Variants in RGL1 observed in about 807,000 individuals in gnomAD.
The protein encoded by RGL1 is ral guanine nucleotide dissociation stimulator-like 1.
Under a neutral mutation model 95.2 loss-of-function variants are expected in RGL1, and 24 were observed. The ratio of observed to expected loss-of-function variants is 0.25; its 90% CI spans 0.18 to 0.35. The LOEUF is 0.35. RGL1 is among the 10% of genes least tolerant of loss of function. The pLI, the probability that RGL1 is intolerant of heterozygous loss-of-function variation, is 1.00. For synonymous variants in RGL1, 329 were observed against 344.9 expected (o/e 0.95, Z 0.51); for missense variants, 715 against 936.3 (o/e 0.76, Z 3.08).
intron 12 of RGL1, among the ~76,000 whole-genome samples, chr1:183,903,964 G>C (rs1161313547): frequency 1.3e-5 from 2 of 152,210 alleles, no homozygotes; most frequent in African/African-American, 2.4e-5. Context: ...GAGACTTGGA[G>C]AATCTACCAG....
chr1:183,714,690 G>T (rs1337102793), intron 1 of RGL1, among the ~76,000 whole-genome samples: 2 of 152,216 alleles, frequency 1.3e-5, no homozygotes, highest in African/African-American at 4.8e-5. Context: ...TACTGTCACA[G>T]CATGCCACAG....
At chr1:183,904,747 T>C (rs911304844) in intron 12 of RGL1, 103 bp from the exon 13 acceptor site, 1 of 1,250,864 alleles carries the variant, frequency 8.0e-7, no homozygotes, top group African/African-American at 1.5e-5. Flanking sequence ...TTTCTTCATC[T>C]TTTATCCTAA....
chr1:183,678,716 A>T (rs755875865), intron 1 of RGL1, among the ~76,000 whole-genome samples: 1 of 151,696 alleles, frequency 6.6e-6, no homozygotes, highest in Non-Finnish European at 1.5e-5. Flanking sequence ...TTCTTTTTTT[A>T]AAAAAGTTGT....
At chr1:183,891,916 C>T (rs937458615) in intron 8 of RGL1, among the ~76,000 whole-genome samples, 161 bp from the exon 9 acceptor site, 1 of 151,758 alleles carries the variant, frequency 6.6e-6, no homozygotes, top group Non-Finnish European at 1.5e-5. Context: ...AGCCATCCCG[C>T]ATAAAAAAAA....
chr1:183,910,057 G>A (rs1281778889), intron 14 of RGL1, among the ~76,000 whole-genome samples: 1 of 152,024 alleles, frequency 6.6e-6, no homozygotes, highest in Non-Finnish European at 1.5e-5. Flanking sequence ...TCTGTTTTAT[G>A]TTCCCACTCC....
chr1:183,669,242 C>G (rs1290741391), intron 1 of RGL1, among the ~76,000 whole-genome samples: 1 of 152,030 alleles, frequency 6.6e-6, no homozygotes, highest in Non-Finnish European at 1.5e-5. Flanking sequence ...TGTTATGTCC[C>G]CAAGCTTGGA....
At chr1:183,813,975 T>C (rs1460213182) in intron 2 of RGL1, among the ~76,000 whole-genome samples, 2 of 152,236 alleles carry the variant, frequency 1.3e-5, no homozygotes, top group East Asian at 1.9e-4. Flanking sequence ...ATGTCACTTA[T>C]GGCCTCTTCT....
At chr1:183,761,834 C>T (rs1374811715) in intron 2 of RGL1, among the ~76,000 whole-genome samples, 1 of 152,220 alleles carries the variant, frequency 6.6e-6, no homozygotes, top group Non-Finnish European at 1.5e-5. Context: ...ATAACTTTCT[C>T]TTGCTGTAGC....
At chr1:183,662,109 T>G (rs371078907) in intron 1 of RGL1, among the ~76,000 whole-genome samples, 8,245 of 139,294 alleles carry the variant, frequency 0.059, 537 homozygotes, top group African/African-American at 0.16. Context: ...ATATCATACT[T>G]AATGGGCAAA....
chr1:183,682,906 C>T (rs1438751025), intron 1 of RGL1, among the ~76,000 whole-genome samples: 2 of 151,950 alleles, frequency 1.3e-5, no homozygotes, highest in African/African-American at 4.8e-5. Context: ...TGCATTGATC[C>T]CTTTATTATA....
At chr1:183,880,571 C>G in intron 4 of RGL1, 45 bp from the exon 5 acceptor site, 1 of 1,593,794 alleles carries the variant, frequency 6.3e-7, no homozygotes. Context: ...GCTTTGCCTC[C>G]CCACAGCCAG....
intron 1 of RGL1, among the ~76,000 whole-genome samples, chr1:183,726,960 C>T (rs533005724): frequency 6.6e-6 from 1 of 152,138 alleles, no homozygotes; most frequent in South Asian, 2.1e-4. Context: ...TCAACCTATA[C>T]CACTATATGA....
chr1:183,723,901 T>C (rs1656162906), intron 1 of RGL1, among the ~76,000 whole-genome samples: 1 of 152,140 alleles, frequency 6.6e-6, no homozygotes, highest in Non-Finnish European at 1.5e-5. Context: ...AAAGACTCCT[T>C]CTTTCTGCTT....
intron 1 of RGL1, among the ~76,000 whole-genome samples, chr1:183,722,240 A>AG (rs1656051323): frequency 6.6e-6 from 1 of 151,978 alleles, no homozygotes; most frequent in Admixed American, 6.6e-5. Flanking sequence ...AAAAAAAAAA[A>AG]AAAGATAAAT....
At chr1:183,649,339 T>C (rs1208928146) in intron 1 of RGL1, among the ~76,000 whole-genome samples, 1 of 152,270 alleles carries the variant, frequency 6.6e-6, no homozygotes, top group Admixed American at 6.5e-5. Flanking sequence ...ATCTAGATTA[T>C]TCCTAATTAT....
chr1:183,804,172 A>G (rs1661143430), upstream of RGL1, among the ~76,000 whole-genome samples: 1 of 149,222 alleles, frequency 6.7e-6, no homozygotes, highest in Non-Finnish European at 1.5e-5. Context: ...GGCTTATGTC[A>G]TAGTATGGCA....
At chr1:183,639,726 A>G (rs1649794226) in intron 1 of RGL1, among the ~76,000 whole-genome samples, 1 of 132,406 alleles carries the variant, frequency 7.6e-6, no homozygotes, top group Non-Finnish European at 1.6e-5. Flanking sequence ...AGGGAAAAAA[A>G]TCTCTAAATA....
chr1:183,894,785 C>G (rs1379809984), intron 9 of RGL1, among the ~76,000 whole-genome samples: 1 of 152,166 alleles, frequency 6.6e-6, no homozygotes, highest in Non-Finnish European at 1.5e-5. Context: ...GACCTAACTT[C>G]TCTTCTTCTG....
At chr1:183,855,743 A>G (rs910271750) in intron 3 of RGL1, among the ~76,000 whole-genome samples, 9 of 152,176 alleles carry the variant, frequency 5.9e-5, no homozygotes, top group African/African-American at 2.2e-4. Context: ...ACCATAACTC[A>G]CCTGTAGGTG....
Sources: gnomAD v4.1 joint callset for allele counts (sites outside exome capture counted in the v4.1 genomes callset) on GRCh38, gnomAD v4.1.1 for gene constraint, MANE v1.5 for transcripts, NCBI Gene and HGNC (gene_info 2026-07-23, HGNC 2026-07-21) for gene names.